PHACTR2: variants seen among roughly 807,000 people sequenced by gnomAD.
The protein encoded by PHACTR2 is phosphatase and actin regulator 2, also known as chromosome 6 open reading frame 56.
A neutral mutation model predicts 76.0 loss-of-function variants in PHACTR2; 30 were observed. That is an observed-to-expected ratio of 0.39 (90% CI 0.30 to 0.54). PHACTR2 has a LOEUF of 0.54. Ranked by LOEUF, PHACTR2 falls within the 20% of genes least tolerant of loss-of-function variation. The probability of loss-of-function intolerance (pLI) is 0.61; values close to 1 mark genes in which losing one functional copy is unlikely to be tolerated. For synonymous variants in PHACTR2, 292 were observed against 292.5 expected (o/e 1.00, Z 0.02); for missense variants, 696 against 781.1 (o/e 0.89, Z 1.30).
chr6:143,657,553 C>T lies in PHACTR2; in HGVS notation c.13+49231C>T, dbSNP rs958567406. ...TTTCTTGGTTTTATGAGTAGTTTCT[C>T]GCAGGTTGTATTCCCTGGGAAGAGA... On this transcript the variant is annotated intron_variant, in intron 1 of 11. Transcript: ENST00000305766. Among the ~76,000 whole-genome samples the T allele has an allele frequency of 2.6e-5, 4 of 152,082 alleles. No homozygotes were observed. The South Asian group carries it at 6.2e-4, about 24-fold the overall frequency.
chr6:143,630,850 A>G (rs913858193), intron 1 of PHACTR2, among the ~76,000 whole-genome samples: 1 of 152,344 alleles, frequency 6.6e-6, no homozygotes, highest in African/African-American at 2.4e-5. Context: ...GATGGTTCAC[A>G]TTGGAGAGAA....
Position 143,639,548 on chromosome 6 carries a change from A to G in PHACTR2, c.13+31226A>G, listed in dbSNP as rs1776528957. ...CATTTGGCCCATTCAAAAAGAATTA[A>G]TTGTGCTGGGGAAAAGTCTTTAGGT... On this transcript the variant is annotated intron_variant, in intron 1 of 11. Coordinates refer to the PHACTR2 transcript ENST00000305766. The surrounding 1 kb of genome is among the most constrained non-coding windows in gnomAD (Gnocchi z 5.0). Among the ~76,000 whole-genome samples the G allele has an allele frequency of 6.6e-6, 1 of 152,082 alleles. No individual in the cohort carries two copies. The highest frequency in any genetic ancestry group is 2.1e-4 in the South Asian group (1 of 4,822).
Position 143,684,845 on chromosome 6 carries a change from CT to C in PHACTR2, c.46+6637del, listed in dbSNP as rs1458027114. Among the ~76,000 whole-genome samples the C allele has an allele frequency of 6.6e-6, 1 of 152,208 alleles. No homozygotes were observed. On this transcript the variant is annotated intron_variant, in intron 1 of 12. Coordinates refer to ENST00000440869, the MANE Select transcript of PHACTR2 (RefSeq NM_001100164.2). The surrounding 1 kb of genome is among the most constrained non-coding windows in gnomAD (Gnocchi z 4.3). ...TACACAACTGTACATGACCACAATG[CT>C]GTGCATAAATAATTTTTTAGACTCT...
chr6:143,707,761 A>G (rs1446602164), intron 1 of PHACTR2, among the ~76,000 whole-genome samples: 1 of 152,182 alleles, frequency 6.6e-6, no homozygotes, highest in African/African-American at 2.4e-5. Flanking sequence ...GAAATACCAG[A>G]GACTGGGTAA....
At chr6:143,637,300 C>T (rs1464791494) in intron 1 of PHACTR2, among the ~76,000 whole-genome samples, 1 of 149,688 alleles carries the variant, frequency 6.7e-6, no homozygotes, top group Non-Finnish European at 1.5e-5. Flanking sequence ...TCTAAGTTAA[C>T]CATTCTTTTG....
intron 11 of PHACTR2, among the ~76,000 whole-genome samples, chr6:143,797,327 T>C (rs904669786): frequency 1.3e-5 from 2 of 152,218 alleles, no homozygotes; most frequent in Non-Finnish European, 2.9e-5. Context: ...GTCAGATGAA[T>C]AGATTGCAAA....
At position 143,738,957 on chromosome 6, in the gene PHACTR2, A is replaced by G. The variant is rs1193313628; in HGVS notation, c.215-10028A>G. 6.6e-6 allele frequency among the ~76,000 whole-genome samples: 1 copy of G among 152,228 alleles called. No individual in the cohort carries two copies. Among genetic ancestry groups the G allele is most frequent in the Admixed American group, 6.5e-5 (1 of 15,284 alleles). On this transcript the variant is annotated intron_variant, in intron 2 of 12. Transcript: ENST00000440869. The surrounding 1 kb of genome is among the most constrained non-coding windows in gnomAD (Gnocchi z 4.0). ...AAAGCAGATCATGGAGAAGGGTGTT[A>G]GAAGTTCAGGCTCTCTGGAGCTTCT... is the stretch of plus-strand genomic sequence containing the variant.
Position 143,806,493 on chromosome 6 carries a change from T to C in PHACTR2, c.1846-564T>C, listed in dbSNP as rs1032504330. ...TCAGAAAATGTCATGACCTGCACTTTCCTTGTGGTCATCGTGGGTGGGGGA... is the reference window on the plus strand; with the variant it reads ...TCAGAAAATGTCATGACCTGCACTTCCCTTGTGGTCATCGTGGGTGGGGGA... On this transcript the variant is annotated intron_variant, in intron 11 of 12. Coordinates refer to ENST00000440869, the MANE Select transcript of PHACTR2 (RefSeq NM_001100164.2). The surrounding 1 kb of genome is among the most constrained non-coding windows in gnomAD (Gnocchi z 5.8). Among the ~76,000 whole-genome samples, 1 of 152,204 alleles carries C rather than the reference T, an allele frequency of 6.6e-6. No individual in the cohort carries two copies. Among genetic ancestry groups the C allele is most frequent in the Non-Finnish European group, 1.5e-5 (1 of 68,030 alleles).
At chr6:143,670,336 C>T (rs935463906) in intron 1 of PHACTR2, among the ~76,000 whole-genome samples, 3 of 152,092 alleles carry the variant, frequency 2.0e-5, no homozygotes, top group Non-Finnish European at 4.4e-5. Flanking sequence ...TTGCTCTTCT[C>T]GAGGAGTGTC....
chr6:143,677,831 G>C, upstream of PHACTR2: 1 of 336,744 alleles, frequency 3.0e-6, no homozygotes, highest in Non-Finnish European at 5.0e-6. Flanking sequence ...CGGCGGGGCC[G>C]GCTGGGGGCT....
In PHACTR2 at chr6:143,819,661, G is replaced by A. The variant is rs1776371129; in HGVS notation, c.1923-4013G>A. Among the ~76,000 whole-genome samples the A allele has an allele frequency of 6.6e-6, 1 of 152,158 alleles. No homozygotes were observed. Among genetic ancestry groups the A allele is most frequent in the Non-Finnish European group, 1.5e-5 (1 of 68,030 alleles). On this transcript the variant is annotated intron_variant, in intron 12 of 12. Coordinates refer to ENST00000440869, the MANE Select transcript of PHACTR2 (RefSeq NM_001100164.2). This position sits in a 1 kb window ranked among gnomAD's most constrained non-coding sequence, Gnocchi z 5.0. ...TTGTTGTTCAAGGACAAGAGAGGAA[G>A]AGCATGTATCCCAGCTCCAGTAGAT...
In PHACTR2 at chr6:143,621,161, G is replaced by A. The variant is rs916914435; in HGVS notation, c.13+12839G>A. Among the ~76,000 whole-genome samples, 10 of 152,340 alleles carry A rather than the reference G, an allele frequency of 6.6e-5. No homozygotes were observed. Among genetic ancestry groups the A allele is most frequent in the South Asian group, 4.1e-4 (2 of 4,828 alleles). On this transcript the variant is annotated intron_variant, in intron 1 of 11. Transcript: ENST00000305766. The surrounding 1 kb of genome is among the most constrained non-coding windows in gnomAD (Gnocchi z 4.1). Reference sequence around the variant, plus strand: ...AGCTTGGAAATCCAGTTTCAGAGAAGGGATTGGAGGATTGGGTAGGGAATG... The same window carrying A: ...AGCTTGGAAATCCAGTTTCAGAGAAAGGATTGGAGGATTGGGTAGGGAATG...
At position 143,698,269 on chromosome 6, in the gene PHACTR2, A is replaced by G. The variant is rs1777816906; in HGVS notation, c.47-13747A>G. 6.6e-6 allele frequency among the ~76,000 whole-genome samples: 1 copy of G among 152,222 alleles called. No homozygotes were observed. Among genetic ancestry groups the G allele is most frequent in the Admixed American group, 6.5e-5 (1 of 15,280 alleles). On this transcript the variant is annotated intron_variant, in intron 1 of 12. Transcript: ENST00000440869. The surrounding 1 kb of genome is among the most constrained non-coding windows in gnomAD (Gnocchi z 4.3). The stretch of plus-strand genomic sequence containing the variant: ...CTTAACACACCTGTCATTTTAAAGA[A>G]AGAAACCAAAATAGAACATCTCGCA...
At chr6:143,634,449 A>C (rs1776416961) in intron 1 of PHACTR2, among the ~76,000 whole-genome samples, 1 of 152,198 alleles carries the variant, frequency 6.6e-6, no homozygotes, top group African/African-American at 2.4e-5. Flanking sequence ...TATATATTTG[A>C]AGATGGTATT....
chr6:143,804,173 A>G (rs1409767251), intron 11 of PHACTR2, among the ~76,000 whole-genome samples: 1 of 152,184 alleles, frequency 6.6e-6, no homozygotes, highest in Non-Finnish European at 1.5e-5. Context: ...GCATCAGGTG[A>G]GATGCTGGGT....
At chr6:143,692,724 A>T (rs1777673999) in intron 1 of PHACTR2, among the ~76,000 whole-genome samples, 1 of 152,206 alleles carries the variant, frequency 6.6e-6, no homozygotes, top group Non-Finnish European at 1.5e-5. Flanking sequence ...TCCTTCTTTC[A>T]AGTGGGCTGA....
chr6:143,799,181 T>G (rs1582892763), intron 11 of PHACTR2, among the ~76,000 whole-genome samples: 1 of 152,248 alleles, frequency 6.6e-6, no homozygotes, highest in African/African-American at 2.4e-5. Flanking sequence ...GTAGAGGTTT[T>G]TATAGTATCC....
chr6:143,683,755 A>G lies in PHACTR2; in HGVS notation c.46+5546A>G, dbSNP rs1777450583. Among the ~76,000 whole-genome samples the G allele has an allele frequency of 6.6e-6, 1 of 152,210 alleles. No homozygotes were observed. The highest frequency in any genetic ancestry group is 2.1e-4 in the South Asian group (1 of 4,830). Reference sequence around the variant, plus strand: ...GTTTGTTTTCTTTATTCCATAATATATACATGGTAGGAAGTCAAACATTAC... The same window carrying G: ...GTTTGTTTTCTTTATTCCATAATATGTACATGGTAGGAAGTCAAACATTAC... On this transcript the variant is annotated intron_variant, in intron 1 of 12. Transcript: ENST00000440869. This position sits in a 1 kb window ranked among gnomAD's most constrained non-coding sequence, Gnocchi z 4.1.
At chr6:143,670,648 T>C (rs1365039474) in intron 1 of PHACTR2, among the ~76,000 whole-genome samples, 1 of 152,180 alleles carries the variant, frequency 6.6e-6, no homozygotes, top group Non-Finnish European at 1.5e-5. Flanking sequence ...CTATTGATAC[T>C]TGTGTATCTT....
Sources: allele counts gnomAD v4.1 joint callset (sites outside exome capture counted in the v4.1 genomes callset), GRCh38; gene constraint gnomAD v4.1.1; non-coding constraint Gnocchi (gnomAD v3.1); transcripts MANE v1.5; gene names NCBI Gene and HGNC (gene_info 2026-07-23, HGNC 2026-07-21).